The following SPATA31D1 variants were observed in gnomAD, a reference collection of about 807,000 sequenced individuals.
The protein encoded by SPATA31D1 is SPATA31 subfamily D member 1.
In SPATA31D1, 6 loss-of-function variants were observed where a neutral mutation model predicts 13.2. The observed-to-expected ratio is 0.46, with a 90% CI of 0.25 to 0.90. SPATA31D1 has a LOEUF of 0.90. SPATA31D1 is among the 40% of genes least tolerant of loss of function. The pLI, the probability that SPATA31D1 is intolerant of heterozygous loss-of-function variation, is 0.18. For synonymous variants in SPATA31D1, 903 were observed against 718.8 expected (o/e 1.26, Z -4.10); for missense variants, 2,445 against 1,884.7 (o/e 1.30, Z -5.50).
At position 81,993,922 on chromosome 9, in the gene SPATA31D1, A is replaced by C. The variant is rs143638690; in HGVS notation, c.3452A>C (p.Asn1151Thr). ...QGSRKTFPVT[N>T]ALQSQTRNNL... is the part of the protein sequence containing the mutation. ...AGTAGAAAGACCTTTCCTGTCACCA[A>C]TGCTCTTCAATCACAAACTAGGAAC... The change falls in exon 4 of 4, where the codon AAT becomes ACT. Residue 1151 changes from asparagine (N) to threonine (T), a missense_variant. By Grantham distance (65) the Asn-to-Thr change is moderately conservative (BLOSUM62 0). Coordinates refer to ENST00000344803, the MANE Select transcript of SPATA31D1 (RefSeq NM_001001670.3). 6 of 1,613,892 alleles carry C rather than the reference A, an allele frequency of 3.7e-6. No homozygotes were observed. Among genetic ancestry groups the C allele is most frequent in the African/African-American group, 1.3e-5 (1 of 75,060 alleles).
Position 81,990,469 on chromosome 9 carries a change from G to A in SPATA31D1, c.285G>A (p.Leu95=), listed in dbSNP as rs369571227. The change falls in exon 3 of 4, where the codon CTG becomes CTA. Residue 95 remains leucine, a synonymous_variant. Coordinates refer to ENST00000344803, the MANE Select transcript of SPATA31D1 (RefSeq NM_001001670.3). ...GAGAAGAGGAAGAGGAAAGGAAGCT[G>A]CTTTCTCTTCTGAAAAGGTGATTAA... ...FQREEEEERK[L]LSLLKSFGPP... 6.2e-5 allele frequency: 99 copies of A among 1,607,336 alleles called. No individual in the cohort carries two copies. In the East Asian group the frequency reaches 9.4e-4, roughly 15 times the overall value.
In SPATA31D1 at chr9:81,991,778, A is replaced by G. The variant is rs1824970302; in HGVS notation, c.1308A>G (p.Gly436=). The G allele has an allele frequency of 6.2e-7, 1 of 1,613,788 alleles. No individual in the cohort carries two copies. The change falls in exon 4 of 4, where the codon GGA becomes GGG. Residue 436 remains glycine, a synonymous_variant. Transcript: ENST00000344803. ...LMWKENGKKP[G]SFPKQLRPNY... ...GGAAAGAAAATGGAAAGAAACCAGGATCATTCCCAAAACAACTTAGGCCAA... is the reference window on the plus strand; with the variant it reads ...GGAAAGAAAATGGAAAGAAACCAGGGTCATTCCCAAAACAACTTAGGCCAA...
chr9:81,993,620 C>G lies in SPATA31D1; in HGVS notation c.3150C>G (p.Tyr1050Ter). Residue 1050 changes from tyrosine (Y) to a stop codon, truncating the protein, a stop_gained, in exon 4 of 4, where the codon TAC becomes TAG. Coordinates refer to ENST00000344803, the MANE Select transcript of SPATA31D1 (RefSeq NM_001001670.3). LOFTEE classifies it low-confidence loss of function (END_TRUNC). ...CATTCCCCATCCTCGGTCATTCTTACCTTGTCACTTCACCTGTCAACCAAG... is the reference window on the plus strand; with the variant it reads ...CATTCCCCATCCTCGGTCATTCTTAGCTTGTCACTTCACCTGTCAACCAAG... ...TSSFPILGHS[Y>*]LVTSPVNQEK... The G allele has an allele frequency of 6.2e-7, 1 of 1,614,010 alleles. No individual in the cohort carries two copies. The highest frequency in any genetic ancestry group is 8.5e-7 in the Non-Finnish European group (1 of 1,179,888).
In SPATA31D1 at chr9:81,991,343, T is replaced by A. The variant is rs182874647; in HGVS notation, c.873T>A (p.Ser291=). Residue 291 remains serine (S), a synonymous_variant, in exon 4 of 4, where the codon TCT becomes TCA. Coordinates refer to ENST00000344803, the MANE Select transcript of SPATA31D1 (RefSeq NM_001001670.3). ...CGCAGGCCATGAATCCCATTGATTCTTGTGCTCGTCATCACGGACCACCAA... is the reference window on the plus strand; with the variant it reads ...CGCAGGCCATGAATCCCATTGATTCATGTGCTCGTCATCACGGACCACCAA... ...DISQAMNPID[S]CARHHGPPIP... 9.3e-6 allele frequency: 15 copies of A among 1,613,888 alleles called. No individual in the cohort carries two copies. Among genetic ancestry groups the A allele is most frequent in the African/African-American group, 1.3e-5 (1 of 74,942 alleles).
At position 81,993,169 on chromosome 9, in the gene SPATA31D1, A is replaced by G. The variant is rs760865273; in HGVS notation, c.2699A>G (p.Gln900Arg). Residue 900 changes from glutamine (Q) to arginine (R), a missense_variant, in exon 4 of 4, where the codon CAA becomes CGA. Gln to Arg is a conservative substitution (Grantham distance 43). Transcript: ENST00000344803. The part of the protein sequence containing the change: ...QEISFLSSNK[Q>R]KMLEAHIKTF... ...ATTTCCTTCCTTAGTTCCAACAAACAAAAGATGTTGGAAGCCCATATTAAA... is the reference window on the plus strand; with the variant it reads ...ATTTCCTTCCTTAGTTCCAACAAACGAAAGATGTTGGAAGCCCATATTAAA... The G allele has an allele frequency of 6.2e-7, 1 of 1,614,022 alleles. No homozygotes were observed. Among genetic ancestry groups the G allele is most frequent in the South Asian group, 1.1e-5 (1 of 91,076 alleles).
chr9:81,991,157 G>T lies in SPATA31D1; in HGVS notation c.687G>T (p.Leu229Phe). 3 of 1,613,708 alleles carry T rather than the reference G, an allele frequency of 1.9e-6. No individual in the cohort carries two copies. Among genetic ancestry groups the T allele is most frequent in the Non-Finnish European group, 2.5e-6 (3 of 1,179,750 alleles). ...DPLPPQPVSP[L>F]DSKFPIDHSP... ...TGCCACCACAGCCTGTTTCTCCCTTGGATTCCAAGTTCCCCATAGACCATT... is the reference window on the plus strand; with the variant it reads ...TGCCACCACAGCCTGTTTCTCCCTTTGATTCCAAGTTCCCCATAGACCATT... Residue 229 changes from leucine to phenylalanine, a missense_variant, in exon 4 of 4, where the codon TTG becomes TTT. Leu to Phe is a conservative substitution (Grantham distance 22, BLOSUM62 0). Coordinates refer to ENST00000344803, the MANE Select transcript of SPATA31D1 (RefSeq NM_001001670.3).
At chr9:81,990,680 GT>G in intron 3 of SPATA31D1, 92 bp from the exon 4 acceptor site, 1 of 1,482,840 alleles carries the variant, frequency 6.7e-7, no homozygotes, top group African/African-American at 1.4e-5. Context: ...GAGGTCCTGG[GT>G]TGGGGGCAAT....
chr9:81,991,037 G>T lies in SPATA31D1; in HGVS notation c.567G>T (p.Arg189=). The T allele has an allele frequency of 1.2e-6, 2 of 1,613,540 alleles. No homozygotes were observed. Among genetic ancestry groups the T allele is most frequent in the Non-Finnish European group, 1.7e-6 (2 of 1,179,710 alleles). The stretch of plus-strand genomic sequence containing the variant: ...CAGAAGACCTAATACTGTCCCCTCG[G>T]CCTAAGGCCTCTCCACCACCCCCCT... ...TPPEDLILSP[R]PKASPPPPLI... The change falls in exon 4 of 4, where the codon CGG becomes CGT. Residue 189 remains arginine, a synonymous_variant. Transcript: ENST00000344803.
Position 81,994,560 on chromosome 9 carries a change from C to T in SPATA31D1, c.4090C>T (p.Pro1364Ser). Residue 1364 changes from proline to serine, a missense_variant, in exon 4 of 4, where the codon CCC (proline) becomes TCC (serine). Physicochemically the swap from Pro to Ser is moderately conservative, Grantham distance 74. Coordinates refer to ENST00000344803, the MANE Select transcript of SPATA31D1 (RefSeq NM_001001670.3). ...MKTSLQWFNKPSISYEEQESS... is the reference protein window; with the variant it reads ...MKTSLQWFNKSSISYEEQESS... ...GACCTCTTTGCAGTGGTTTAATAAA[C>T]CCAGCATATCATATGAAGAACAAGA... 6.2e-7 allele frequency: 1 copy of T among 1,613,104 alleles called. No individual in the cohort carries two copies. Among genetic ancestry groups the T allele is most frequent in the Non-Finnish European group, 8.5e-7 (1 of 1,179,454 alleles).
upstream of SPATA31D1, among the ~76,000 whole-genome samples, chr9:81,987,485 C>T (rs1254373519): frequency 1.3e-5 from 2 of 152,072 alleles, no homozygotes; most frequent in Admixed American, 1.3e-4. Flanking sequence ...TCAAGCTTGA[C>T]CCAAATGAAC....
Position 81,993,098 on chromosome 9 carries a change from G to A in SPATA31D1, c.2628G>A (p.Leu876=), listed in dbSNP as rs1252658376. Residue 876 remains leucine (L), a synonymous_variant, in exon 4 of 4, where the codon CTG becomes CTA. Coordinates refer to ENST00000344803, the MANE Select transcript of SPATA31D1 (RefSeq NM_001001670.3). ...ACAGCCAAATTAAACATCGAAATCT[G>A]GTAACATTGGTGAGTGAGGACCACT... ...KSHSQIKHRN[L]VTLVSEDHCV... 1.9e-6 allele frequency: 3 copies of A among 1,613,780 alleles called. No homozygotes were observed. Among genetic ancestry groups the A allele is most frequent in the South Asian group, 2.2e-5 (2 of 91,066 alleles).
chr9:81,992,168 C>T lies in SPATA31D1; in HGVS notation c.1698C>T (p.Thr566=). ...PSTQPLPLPQ[T]LPQGQSPHLT... is the part of the protein sequence containing the mutation. ...CCCAACCACTACCCTTGCCTCAAAC[C>T]CTGCCCCAAGGTCAGTCCCCACATC... Residue 566 remains threonine, a synonymous_variant, in exon 4 of 4, where the codon ACC becomes ACT. Coordinates refer to ENST00000344803, the MANE Select transcript of SPATA31D1 (RefSeq NM_001001670.3). 1 of 1,613,758 alleles carries T rather than the reference C, an allele frequency of 6.2e-7. No individual in the cohort carries two copies. Among genetic ancestry groups the T allele is most frequent in the Non-Finnish European group, 8.5e-7 (1 of 1,179,722 alleles).
Position 81,991,028 on chromosome 9 carries a change from G to C in SPATA31D1, c.558G>C (p.Leu186=), listed in dbSNP as rs374131506. 6 of 1,613,344 alleles carry C rather than the reference G, an allele frequency of 3.7e-6. No homozygotes were observed. In the African/African-American group the frequency reaches 8.0e-5, roughly 22 times the overall value. Residue 186 remains leucine (L), a synonymous_variant, in exon 4 of 4, where the codon CTG becomes CTC. Coordinates refer to ENST00000344803, the MANE Select transcript of SPATA31D1 (RefSeq NM_001001670.3). ...PSATPPEDLI[L]SPRPKASPPP... ...CAACCCCTCCAGAAGACCTAATACT[G>C]TCCCCTCGGCCTAAGGCCTCTCCAC... is the stretch of plus-strand genomic sequence containing the variant.
intron 1 of SPATA31D1, 78 bp downstream of exon 1, chr9:81,989,082 G>A (rs1824902600): frequency 2.6e-6 from 4 of 1,557,832 alleles, no homozygotes; most frequent in Non-Finnish European, 3.5e-6. Context: ...TTCTAAATAA[G>A]TTTGGTTGGT....
At chr9:81,990,678 G>T in intron 3 of SPATA31D1, 95 bp from the exon 4 acceptor site, 1 of 1,472,574 alleles carries the variant, frequency 6.8e-7, no homozygotes, top group South Asian at 1.3e-5. Context: ...GTGAGGTCCT[G>T]GGTTGGGGGC....
intron 2 of SPATA31D1, 38 bp downstream of exon 2, chr9:81,989,861 C>A: frequency 3.1e-6 from 5 of 1,604,550 alleles, no homozygotes; most frequent in Non-Finnish European, 4.3e-6. Context: ...TCAGGGGTGA[C>A]CCTTTCTGTC....
chr9:81,995,163 A>G lies in SPATA31D1; in HGVS notation c.4693A>G (p.Lys1565Glu). The part of the protein sequence containing the change: ...PFLTGQKMLP[K>E]HLQGGKFPPT... ...CCTAACTGGACAGAAAATGCTTCCA[A>G]AGCATTTACAGGGAGGAAAATTTCC... Residue 1565 changes from lysine (K) to glutamate (E), a missense_variant, in exon 4 of 4, where the codon AAG (lysine) becomes GAG (glutamate). Lys to Glu is a moderately conservative substitution (Grantham distance 56). Coordinates refer to ENST00000344803, the MANE Select transcript of SPATA31D1 (RefSeq NM_001001670.3). The G allele has an allele frequency of 6.4e-7, 1 of 1,567,724 alleles. No homozygotes were observed. The highest frequency in any genetic ancestry group is 8.7e-7 in the Non-Finnish European group (1 of 1,155,320).
rs779887177 is a variant in SPATA31D1 at position 81,993,045 on chromosome 9, C to T, written c.2575C>T (p.Gln859Ter). 6.2e-7 allele frequency: 1 copy of T among 1,613,780 alleles called. No individual in the cohort carries two copies. Among genetic ancestry groups the T allele is most frequent in the Non-Finnish European group, 8.5e-7 (1 of 1,179,730 alleles). The change falls in exon 4 of 4, where the codon CAG (glutamine) becomes TAG (stop). Residue 859 changes from glutamine to a stop codon, truncating the protein, a stop_gained. Coordinates refer to ENST00000344803, the MANE Select transcript of SPATA31D1 (RefSeq NM_001001670.3). LOFTEE classifies it low-confidence loss of function (END_TRUNC). ...GCATAGTTCATGGCACTCAGTCAAGCAGACAATGTCTCTTCCTGAGAAATC... is the reference window on the plus strand; with the variant it reads ...GCATAGTTCATGGCACTCAGTCAAGTAGACAATGTCTCTTCCTGAGAAATC... ...TVHSSWHSVK[Q>*]TMSLPEKSHS...
rs369941995 is a variant in SPATA31D1 at position 81,991,934 on chromosome 9, C to G, written c.1464C>G (p.His488Gln). ...AGCACATCCATCAGCAGCCTCCACA[C>G]TCTAAATGCTTTGAAGACCATTTAG... is the stretch of plus-strand genomic sequence containing the variant. ...EWQHIHQQPP[H>Q]SKCFEDHLEQ... is the part of the protein sequence containing the mutation. Residue 488 changes from histidine to glutamine, a missense_variant, in exon 4 of 4, where the codon CAC (histidine) becomes CAG (glutamine). By Grantham distance (24) the His-to-Gln change is conservative. Coordinates refer to ENST00000344803, the MANE Select transcript of SPATA31D1 (RefSeq NM_001001670.3). 1.7e-5 allele frequency: 28 copies of G among 1,613,806 alleles called. No homozygotes were observed. Among genetic ancestry groups the G allele is most frequent in the East Asian group, 4.5e-5 (2 of 44,878 alleles).
Sources: allele counts gnomAD v4.1 joint callset (sites outside exome capture counted in the v4.1 genomes callset), GRCh38; gene constraint gnomAD v4.1.1; transcripts MANE v1.5; gene names NCBI Gene and HGNC (gene_info 2026-07-23, HGNC 2026-07-21).